Variants in THSD4 observed in about 807,000 individuals in gnomAD.
The protein encoded by THSD4 is thrombospondin type 1 domain containing 4.
THSD4 carries 69 observed loss-of-function variants against 119.0 expected under a neutral mutation model. The ratio of observed to expected loss-of-function variants is 0.58; its 90% CI spans 0.48 to 0.71. The LOEUF is 0.71. Among genes scored for constraint, THSD4 ranks in the 30% least tolerant of loss-of-function variants. THSD4 has a pLI of 0.00. For synonymous variants in THSD4, 524 were observed against 540.4 expected (o/e 0.97, Z 0.42); for missense variants, 1,393 against 1,391.1 (o/e 1.00, Z -0.02).
intron 1 of THSD4, among the ~76,000 whole-genome samples, chr15:71,109,731 G>GAAA (rs10717858): frequency 3.8e-5 from 5 of 132,676 alleles, no homozygotes; most frequent in African/African-American, 8.2e-5. Context: ...CACTAAAAGA[G>GAAA]AAAAAAAAAA....
At chr15:71,583,130 T>G (rs559327710) in intron 7 of THSD4, among the ~76,000 whole-genome samples, 20 of 152,186 alleles carry the variant, frequency 1.3e-4, no homozygotes, top group Non-Finnish European at 2.4e-4. Flanking sequence ...ATTTGCTATT[T>G]CTTTATGATT....
At chr15:71,517,954 A>G (rs2048384015) in intron 7 of THSD4, among the ~76,000 whole-genome samples, 1 of 152,238 alleles carries the variant, frequency 6.6e-6, no homozygotes, top group Non-Finnish European at 1.5e-5. Flanking sequence ...AGTGCTGTGT[A>G]GACATATTTA....
chr15:71,503,203 G>A (rs976608370), intron 7 of THSD4, among the ~76,000 whole-genome samples: 4 of 152,126 alleles, frequency 2.6e-5, no homozygotes, highest in Admixed American at 6.5e-5. Flanking sequence ...TCCAGGCAGC[G>A]GGAACAGCAC....
intron 8 of THSD4, among the ~76,000 whole-genome samples, chr15:71,727,587 T>TACACACACACACACACACACAC (rs367823728): frequency 1.1e-4 from 1 of 9,278 alleles, no homozygotes; most frequent in African/African-American, 2.5e-4. Flanking sequence ...TATATATATA[T>TACACACACACACACACACACAC]ACACACACAC....
At chr15:71,227,995 C>T (rs1045172334) in intron 4 of THSD4, among the ~76,000 whole-genome samples, 2 of 152,040 alleles carry the variant, frequency 1.3e-5, no homozygotes, top group Non-Finnish European at 2.9e-5. Flanking sequence ...CGATGGTTTC[C>T]TCTGTAGTAG....
At chr15:71,337,483 G>A (rs2045503403) in intron 6 of THSD4, among the ~76,000 whole-genome samples, 1 of 152,232 alleles carries the variant, frequency 6.6e-6, no homozygotes, top group African/African-American at 2.4e-5. Flanking sequence ...AGCTTAACAA[G>A]GATCAGCTAG....
chr15:71,502,385 A>G (rs6494938), intron 7 of THSD4, among the ~76,000 whole-genome samples: 149,729 of 152,338 alleles, frequency 0.98, 73,633 homozygotes, highest in East Asian at 1. Context: ...AATAATGGGT[A>G]TGTTTCTTTG....
intron 7 of THSD4, among the ~76,000 whole-genome samples, chr15:71,477,190 G>A (rs1380700298): frequency 2.6e-5 from 4 of 152,308 alleles, no homozygotes; most frequent in Middle Eastern, 6.8e-3. Flanking sequence ...TCCTTCAGAC[G>A]TGCACGGAGC....
chr15:71,599,637 C>T (rs940834814), intron 7 of THSD4, among the ~76,000 whole-genome samples: 1 of 152,196 alleles, frequency 6.6e-6, no homozygotes, highest in Non-Finnish European at 1.5e-5. Context: ...GTGGTATGTG[C>T]TCCCCTGGCA....
intron 6 of THSD4, among the ~76,000 whole-genome samples, chr15:71,295,854 C>G (rs943328634): frequency 1.3e-5 from 2 of 152,204 alleles, no homozygotes; most frequent in African/African-American, 4.8e-5. Flanking sequence ...AAGCTATGTA[C>G]TTTCTGCCCC....
Position 71,416,726 on chromosome 15 carries a change from G to A in THSD4, c.1152+4903G>A, listed in dbSNP as rs868417531. ...ATTTTATTTTATTTTGTTTTGTTTTGTTTTGTTTTGTTTTGTTTTGTTTTA... is the reference window on the plus strand; with the variant it reads ...ATTTTATTTTATTTTGTTTTGTTTTATTTTGTTTTGTTTTGTTTTGTTTTA... On this transcript the variant is annotated intron_variant, in intron 7 of 17. Transcript: ENST00000261862. Among the ~76,000 whole-genome samples the A allele has an allele frequency of 1.1e-3, 86 of 77,372 alleles. 22 individuals carry two copies. The South Asian group carries it at 0.022, about 20-fold the overall frequency. 50.8% of individuals were successfully genotyped at this position (77,372 alleles called of 152,430 possible).
rs2054016771 is a variant in THSD4, at chr15:71,782,713, A to C, written c.*5339A>C. On this transcript the variant is annotated 3_prime_UTR_variant, in exon 18 of 18. Transcript: ENST00000261862. ...AATCAGTCCAGTTCCCTGAGGTTTA[A>C]GATCAAATATAAATTACTCTGCTTT... The C allele has an allele frequency of 6.6e-6, 1 of 152,210 alleles. No individual in the cohort carries two copies. The highest frequency in any genetic ancestry group is 1.5e-5 in the Non-Finnish European group (1 of 68,042). 9.4% of individuals were successfully genotyped at this position (152,210 alleles called of 1,614,324 possible).
intron 6 of THSD4, among the ~76,000 whole-genome samples, chr15:71,380,959 C>A (rs74021976): frequency 0.048 from 7,298 of 152,158 alleles, 200 homozygotes; most frequent in African/African-American, 0.074. Context: ...AATTTAATGT[C>A]GTCCCTCTGT....
At chr15:71,569,467 A>AAT (rs2049308830) in intron 7 of THSD4, among the ~76,000 whole-genome samples, 1 of 152,232 alleles carries the variant, frequency 6.6e-6, no homozygotes, top group Non-Finnish European at 1.5e-5. Flanking sequence ...CTTCATTCTA[A>AAT]AAAGAATTTA....
rs1595777177 is a variant in THSD4 at position 71,447,126 on chromosome 15, T to TTG, written c.1152+35304_1152+35305insGT. Among the ~76,000 whole-genome samples the TTG allele has an allele frequency of 1.4e-5, 2 of 139,324 alleles. 1 individual carries two copies. Among genetic ancestry groups the TTG allele is most frequent in the South Asian group, 5.0e-4 (2 of 4,014 alleles). The allele number at this position is 139,324 out of a possible 152,430, so 91.4% of individuals were successfully genotyped here. A position where few individuals can be genotyped will look rare whatever the true frequency, so the allele number is the denominator to read the frequency against. On this transcript the variant is annotated intron_variant, in intron 7 of 17. Coordinates refer to ENST00000261862, the MANE Select transcript of THSD4 (RefSeq NM_024817.3). ...TTCCCTCCATTTTTTTTGTTTTTTT[T>TTG]TTTTTTTTTTTTGGAGACAGAATCT...
chr15:71,501,927 G>C (rs914487751), intron 7 of THSD4, among the ~76,000 whole-genome samples: 1 of 152,158 alleles, frequency 6.6e-6, no homozygotes, highest in African/African-American at 2.4e-5. Context: ...CTGCCAAAGA[G>C]GGAACAAATC....
At chr15:71,219,304 A>C (rs576195777) in intron 4 of THSD4, among the ~76,000 whole-genome samples, 1 of 152,300 alleles carries the variant, frequency 6.6e-6, no homozygotes, top group South Asian at 2.1e-4. Context: ...AATCCAGCCA[A>C]GTTTGGGAAG....
rs2053935208 is a variant in THSD4 at position 71,777,433 on chromosome 15, G to A, written c.*59G>A. The A allele has an allele frequency of 3.0e-5, 46 of 1,553,600 alleles. No homozygotes were observed. The highest frequency in any genetic ancestry group is 3.8e-5 in the Non-Finnish European group (44 of 1,151,568). ...CTGCCTTCCCGGGGGCTTCAGCAGTGCGCCTGGCTGGCTGCTGCTCCACCA... is the reference window on the plus strand; with the variant it reads ...CTGCCTTCCCGGGGGCTTCAGCAGTACGCCTGGCTGGCTGCTGCTCCACCA... On this transcript the variant is annotated 3_prime_UTR_variant, in exon 18 of 18. Coordinates refer to ENST00000261862, the MANE Select transcript of THSD4 (RefSeq NM_024817.3).
At chr15:71,442,656 G>GTGTGTGTATGTA (rs1555414310) in intron 7 of THSD4, among the ~76,000 whole-genome samples, 2 of 30,640 alleles carry the variant, frequency 6.5e-5, no homozygotes, top group Non-Finnish European at 1.6e-4. Context: ...GTGTGTGTGT[G>GTGTGTGTATGTA]TGTGTATATA....
Sources: gnomAD v4.1 joint callset for allele counts (sites outside exome capture counted in the v4.1 genomes callset) on GRCh38, gnomAD v4.1.1 for gene constraint, MANE v1.5 for transcripts, NCBI Gene and HGNC (gene_info 2026-07-23, HGNC 2026-07-21) for gene names.